Variants in GOLGA3 observed in about 807,000 individuals in gnomAD.
The protein encoded by GOLGA3 is golgin subfamily A member 3.
A neutral mutation model predicts 169.4 loss-of-function variants in GOLGA3; 75 were observed. That is an observed-to-expected ratio of 0.44 (90% CI 0.37 to 0.54). The LOEUF is 0.54. Among genes scored for constraint, GOLGA3 ranks in the 20% least tolerant of loss-of-function variants. The pLI is 0.00. For missense variants in GOLGA3, 1,899 were observed against 1,930.0 expected (o/e 0.98, Z 0.30); for synonymous variants, 824 against 822.4 (o/e 1.00, Z -0.03).
intron 15 of GOLGA3, among the ~76,000 whole-genome samples, chr12:132,784,641 C>T (rs1381281801): frequency 6.6e-6 from 1 of 152,148 alleles, no homozygotes; most frequent in Non-Finnish European, 1.5e-5. Flanking sequence ...CACACACATG[C>T]TCACGCACCA....
intron 18 of GOLGA3, among the ~76,000 whole-genome samples, chr12:132,779,727 C>G (rs547363720): frequency 1.1e-4 from 16 of 150,764 alleles, no homozygotes; most frequent in African/African-American, 3.4e-4. Flanking sequence ...ACACCACAGC[C>G]CAGGCACACA....
At position 132,796,699 on chromosome 12, in the gene GOLGA3, G is replaced by C. The variant is rs1238892749; in HGVS notation, c.1940C>G (p.Ala647Gly). Residue 647 changes from alanine to glycine, a missense_variant and splice_region_variant, in exon 10 of 24, where the codon GCT becomes GGT. Ala to Gly is a moderately conservative substitution (Grantham distance 60). Coordinates refer to ENST00000450791, the MANE Select transcript of GOLGA3 (RefSeq NM_001389683.1). ...GGCTGCTTCCTGATCCAACATGTCA[G>C]CCTGAGCCCAGGAAACTTGTTTTTA... ...RIAAQLQGIE[A>G]DMLDQEAAFM... is the part of the protein sequence containing the mutation. 2.5e-6 allele frequency: 4 copies of C among 1,613,340 alleles called. No homozygotes were observed. The highest frequency in any genetic ancestry group is 3.4e-6 in the Non-Finnish European group (4 of 1,179,802).
At chr12:132,808,706 C>A (rs1023129213) in intron 4 of GOLGA3, among the ~76,000 whole-genome samples, 157 bp from the exon 5 acceptor site, 1 of 152,226 alleles carries the variant, frequency 6.6e-6, no homozygotes, top group African/African-American at 2.4e-5. Flanking sequence ...TGCGGCCAGG[C>A]CTCCGATCCG....
intron 11 of GOLGA3, among the ~76,000 whole-genome samples, chr12:132,791,999 G>A (rs945208565): frequency 2.0e-5 from 3 of 148,240 alleles, no homozygotes; most frequent in Non-Finnish European, 4.5e-5. Context: ...GCTCCAAGAG[G>A]GGGATGCATG....
intron 3 of GOLGA3, among the ~76,000 whole-genome samples, chr12:132,814,726 C>T (rs2136687402): frequency 6.6e-6 from 1 of 152,360 alleles, no homozygotes; most frequent in Admixed American, 6.5e-5. Flanking sequence ...CGGGTTACCT[C>T]AGTTTCCAGA....
At chr12:132,811,866 G>A in intron 4 of GOLGA3, 1 of 895,684 alleles carries the variant, frequency 1.1e-6, no homozygotes, top group Non-Finnish European at 1.3e-6. Flanking sequence ...CATGACATAG[G>A]CTGGGCGCGA....
intron 1 of GOLGA3, among the ~76,000 whole-genome samples, chr12:132,823,514 G>C (rs756719632): frequency 5.9e-5 from 9 of 152,230 alleles, no homozygotes; most frequent in Admixed American, 1.3e-4. Flanking sequence ...GGCCGGGTGC[G>C]GTGGCTCATG....
Position 132,771,096 on chromosome 12 carries a change from GTAT to G in GOLGA3, c.*2006_*2008del, listed in dbSNP as rs2044879673. 1 of 152,468 alleles carries G rather than the reference GTAT, an allele frequency of 6.6e-6. No homozygotes were observed. Among genetic ancestry groups the G allele is most frequent in the East Asian group, 1.9e-4 (1 of 5,202 alleles). The allele number at this position is 152,468 out of a possible 1,614,324, so 9.4% of individuals were successfully genotyped here. On this transcript the variant is annotated 3_prime_UTR_variant, in exon 24 of 24. Transcript: ENST00000450791. The stretch of plus-strand genomic sequence containing the variant: ...GATATATTTATAATGAAATTTTCAA[GTAT>G]TATTTCAAAATTAACCCTGTACAAA...
At chr12:132,803,427 T>C (rs1474612038) in intron 7 of GOLGA3, among the ~76,000 whole-genome samples, 1 of 152,182 alleles carries the variant, frequency 6.6e-6, no homozygotes, top group African/African-American at 2.4e-5. Flanking sequence ...AGCAAGGGTA[T>C]CCGTGTGGCT....
chr12:132,804,902 C>T lies in GOLGA3; in HGVS notation c.1411G>A (p.Asp471Asn). 6.2e-7 allele frequency: 1 copy of T among 1,614,002 alleles called. No homozygotes were observed. The highest frequency in any genetic ancestry group is 1.1e-5 in the South Asian group (1 of 91,086). ...TCCCAGCACGACTGCTTCAGGGTGTCCACCTCCGAGCTCAGCGAATCCTGC... is the reference window on the plus strand; with the variant it reads ...TCCCAGCACGACTGCTTCAGGGTGTTCACCTCCGAGCTCAGCGAATCCTGC... ...QRQDSLSSEV[D>N]TLKQSCWDLE... Residue 471 changes from aspartate to asparagine, a missense_variant, in exon 7 of 24, where the codon GAC (aspartate) becomes AAC (asparagine). Coordinates refer to ENST00000450791, the MANE Select transcript of GOLGA3 (RefSeq NM_001389683.1). The surrounding 1 kb of genome is among the most constrained non-coding windows in gnomAD (Gnocchi z 4.1).
intron 7 of GOLGA3, among the ~76,000 whole-genome samples, chr12:132,803,710 G>A (rs773064663): frequency 4.6e-5 from 7 of 152,120 alleles, no homozygotes; most frequent in Non-Finnish European, 8.8e-5. Flanking sequence ...CCTCTGTGAC[G>A]CCAGCTTGTC....
chr12:132,795,022 A>T (rs1409403771), intron 11 of GOLGA3, among the ~76,000 whole-genome samples: 1 of 152,156 alleles, frequency 6.6e-6, no homozygotes, highest in Non-Finnish European at 1.5e-5. Context: ...CCCCATCTCT[A>T]CTAAAAATAC....
At position 132,769,060 on chromosome 12, in the gene GOLGA3, CTT is replaced by C. The variant is rs2044780325; in HGVS notation, c.*4043_*4044del. ...AGAACAGCCACAACTTGAGGACTCT[CTT>C]TTGTGAGGAAATTTTTAATAAAAAC... On this transcript the variant is annotated 3_prime_UTR_variant, in exon 24 of 24. Transcript: ENST00000450791. 6.6e-6 allele frequency: 1 copy of C among 152,646 alleles called. No individual in the cohort carries two copies. The highest frequency in any genetic ancestry group is 1.5e-5 in the Non-Finnish European group (1 of 68,034). The allele number at this position is 152,646 out of a possible 1,614,324, so 9.5% of individuals were successfully genotyped here.
Position 132,791,290 on chromosome 12 carries a change from C to T in GOLGA3, c.2473G>A (p.Glu825Lys), listed in dbSNP as rs2046218171. ...GCAGCAGTCTCCTGCTGCAGGTGTT[C>T]CACCTGTGGGAGACATGTGCACAGA... ...EELAIKSGQV[E>K]HLQQETAALK... Residue 825 changes from glutamate (E) to lysine (K), a missense_variant, in exon 12 of 24, where the codon GAA becomes AAA. Glu to Lys is a moderately conservative substitution (Grantham distance 56, BLOSUM62 1). Coordinates refer to ENST00000450791, the MANE Select transcript of GOLGA3 (RefSeq NM_001389683.1). The T allele has an allele frequency of 6.3e-7, 1 of 1,590,968 alleles. No homozygotes were observed. Among genetic ancestry groups the T allele is most frequent in the Admixed American group, 1.7e-5 (1 of 59,702 alleles).
rs772770089 is a variant in GOLGA3 at position 132,804,896 on chromosome 12, G to A, written c.1417C>T (p.Leu473=). The change falls in exon 7 of 24, where the codon CTG becomes TTG. Residue 473 remains leucine (L), a synonymous_variant. Transcript: ENST00000450791. The surrounding 1 kb of genome is among the most constrained non-coding windows in gnomAD (Gnocchi z 4.1). ...QDSLSSEVDT[L]KQSCWDLERA... Reference sequence around the variant, plus strand: ...TCCAGGTCCCAGCACGACTGCTTCAGGGTGTCCACCTCCGAGCTCAGCGAA... The same window carrying A: ...TCCAGGTCCCAGCACGACTGCTTCAAGGTGTCCACCTCCGAGCTCAGCGAA... The A allele has an allele frequency of 1.2e-6, 2 of 1,614,072 alleles. No individual in the cohort carries two copies. The highest frequency in any genetic ancestry group is 2.2e-5 in the South Asian group (2 of 91,088).
At chr12:132,813,021 A>G (rs1175012580) in intron 4 of GOLGA3, among the ~76,000 whole-genome samples, 1 of 152,260 alleles carries the variant, frequency 6.6e-6, no homozygotes, top group Non-Finnish European at 1.5e-5. Context: ...GCGTATACAC[A>G]TAACTTCTTT....
intron 1 of GOLGA3, among the ~76,000 whole-genome samples, chr12:132,823,563 A>T (rs577215179): frequency 7.3e-4 from 111 of 152,326 alleles, no homozygotes; most frequent in African/African-American, 2.5e-3. Context: ...AGGCGGGCGG[A>T]TCACCTGCGG....
At chr12:132,778,794 C>G (rs931655724) in intron 18 of GOLGA3, among the ~76,000 whole-genome samples, 9 of 151,076 alleles carry the variant, frequency 6.0e-5, no homozygotes, top group Non-Finnish European at 1.3e-4. Context: ...ACTGGGGAGG[C>G]TGAGGCAGGA....
intron 7 of GOLGA3, among the ~76,000 whole-genome samples, chr12:132,802,370 GGGT>G: frequency 1.1e-5 from 1 of 88,944 alleles, no homozygotes. Context: ...CCGGACACGG[GGGT>G]GCAGGGGGCA....
Sources: gnomAD v4.1 joint callset for allele counts (sites outside exome capture counted in the v4.1 genomes callset) on GRCh38, gnomAD v4.1.1 for gene constraint, Gnocchi (gnomAD v3.1) non-coding constraint, MANE v1.5 for transcripts, NCBI Gene and HGNC (gene_info 2026-07-23, HGNC 2026-07-21) for gene names.